The following PRPF4 variants were observed in gnomAD, a reference collection of about 807,000 sequenced individuals.
PRPF4 encodes the protein U4/U6 small nuclear ribonucleoprotein Prp4.
In PRPF4, 14 loss-of-function variants were observed where a neutral mutation model predicts 72.2. The observed-to-expected ratio is 0.19, with a 90% confidence interval of 0.13 to 0.30. PRPF4 has a LOEUF of 0.30. Among genes scored for constraint, PRPF4 ranks in the 10% least tolerant of loss-of-function variants. The pLI, the probability that PRPF4 is intolerant of heterozygous loss-of-function variation, is 1.00. For missense variants in PRPF4, 478 were observed against 653.9 expected (o/e 0.73, Z 2.93); for synonymous variants, 225 against 232.2 (o/e 0.97, Z 0.28).
At position 113,284,392 on chromosome 9, in the gene PRPF4, A is replaced by G; in HGVS notation, c.749+3A>G. 6.2e-7 allele frequency: 1 copy of G among 1,602,988 alleles called. No homozygotes were observed. ...AAGATGCTGGCCACAGCTTGTTGGT[A>G]AGTTCCATTTTACAATGACATTTTT... On this transcript the variant is annotated splice_donor_region_variant and intron_variant, in intron 7 of 13. Coordinates refer to ENST00000374198, the MANE Select transcript of PRPF4 (RefSeq NM_001244926.2).
chr9:113,278,179 G>A (rs907294643), intron 2 of PRPF4, among the ~76,000 whole-genome samples: 1 of 152,080 alleles, frequency 6.6e-6, no homozygotes, highest in African/African-American at 2.4e-5. Flanking sequence ...TACCATTGAG[G>A]ATATCTTTCC....
chr9:113,281,603 T>C (rs1332995854), intron 3 of PRPF4, among the ~76,000 whole-genome samples: 3 of 152,188 alleles, frequency 2.0e-5, no homozygotes, highest in African/African-American at 7.2e-5. Context: ...TGCAGCCCTA[T>C]TCTTCACCAG....
rs528841807 is a variant in PRPF4 at position 113,279,087 on chromosome 9, A to G, written c.348A>G (p.Glu116=). ...EVKACLRALG[E]PITLFGEGPA... ...AAGCTTGCCTTAGAGCCTTGGGGGAACCCATCACACTTTTTGGAGAGGGTC... is the reference window on the plus strand; with the variant it reads ...AAGCTTGCCTTAGAGCCTTGGGGGAGCCCATCACACTTTTTGGAGAGGGTC... Residue 116 remains glutamate (E), a synonymous_variant, in exon 3 of 14, where the codon GAA becomes GAG. Transcript: ENST00000374198. 6.2e-7 allele frequency: 1 copy of G among 1,613,938 alleles called. No individual in the cohort carries two copies. Among genetic ancestry groups the G allele is most frequent in the Non-Finnish European group, 8.5e-7 (1 of 1,179,990 alleles).
chr9:113,290,092 C>T (rs1308163048), intron 10 of PRPF4, among the ~76,000 whole-genome samples: 1 of 152,068 alleles, frequency 6.6e-6, no homozygotes, highest in African/African-American at 2.4e-5. Flanking sequence ...TGGTGGCGCA[C>T]ACCTGTAGTC....
Position 113,276,835 on chromosome 9 carries a change from A to G in PRPF4, c.205+110A>G. 6 of 1,145,826 alleles carry G rather than the reference A, an allele frequency of 5.2e-6. 1 individual carries two copies. Among genetic ancestry groups the G allele is most frequent in the Non-Finnish European group, 7.3e-6 (6 of 820,294 alleles). The allele number at this position is 1,145,826 out of a possible 1,614,324, so 71.0% of individuals were successfully genotyped here. ...AAAAAATTACAATTTTTTTTTTTTTAAACAGAGTCTCGCTCTGTCGCCAGG... is the reference window on the plus strand; with the variant it reads ...AAAAAATTACAATTTTTTTTTTTTTGAACAGAGTCTCGCTCTGTCGCCAGG... On this transcript the variant is annotated intron_variant, in intron 2 of 13. Coordinates refer to ENST00000374198, the MANE Select transcript of PRPF4 (RefSeq NM_001244926.2).
rs528841807 is a variant in PRPF4 at position 113,279,087 on chromosome 9, A to C, written c.348A>C (p.Glu116Asp). The C allele has an allele frequency of 6.2e-7, 1 of 1,614,056 alleles. No homozygotes were observed. Among genetic ancestry groups the C allele is most frequent in the African/African-American group, 1.3e-5 (1 of 75,048 alleles). The change falls in exon 3 of 14, where the codon GAA becomes GAC. Residue 116 changes from glutamate (E) to aspartate (D), a missense_variant. Transcript: ENST00000374198. ...AAGCTTGCCTTAGAGCCTTGGGGGA[A>C]CCCATCACACTTTTTGGAGAGGGTC... The part of the protein sequence containing the change: ...EVKACLRALG[E>D]PITLFGEGPA...
intron 4 of PRPF4, 169 bp downstream of exon 4, chr9:113,282,902 A>G (rs561966722): frequency 4.9e-5 from 49 of 1,003,620 alleles, no homozygotes; most frequent in Admixed American, 2.6e-4. Context: ...CTTTGTAAGT[A>G]TGAATGGAGC....
At position 113,283,291 on chromosome 9, in the gene PRPF4, CTA is replaced by C. The variant is rs1269303405; in HGVS notation, c.560+82_560+83del. 5.6e-5 allele frequency: 90 copies of C among 1,612,638 alleles called. No individual in the cohort carries two copies. In the Admixed American group the frequency reaches 8.0e-4, roughly 14 times the overall value. The stretch of plus-strand genomic sequence containing the variant: ...TCAGGAACTGAGTGCTGGATAATGA[CTA>C]TGGTTGTTAAATGAAATTGAGGGGT... On this transcript the variant is annotated intron_variant, in intron 5 of 13. Transcript: ENST00000374198.
chr9:113,285,094 A>G (rs1218304502), intron 7 of PRPF4, among the ~76,000 whole-genome samples: 1 of 151,992 alleles, frequency 6.6e-6, no homozygotes, highest in African/African-American at 2.4e-5. Flanking sequence ...TACCTTCACT[A>G]TAAAGTTTGA....
chr9:113,284,989 G>T (rs1290686151), intron 7 of PRPF4, among the ~76,000 whole-genome samples: 1 of 152,050 alleles, frequency 6.6e-6, no homozygotes, highest in Non-Finnish European at 1.5e-5. Context: ...AACTTAGATT[G>T]AATACACAGG....
At position 113,283,421 on chromosome 9, in the gene PRPF4, A is replaced by G; in HGVS notation, c.593A>G (p.His198Arg). Residue 198 changes from histidine (H) to arginine (R), a missense_variant, in exon 6 of 14, where the codon CAT becomes CGT. By Grantham distance (29) the His-to-Arg change is conservative. Transcript: ENST00000374198. ...AAACGCTTGGAAGAGGCCCGACTCCATAAGGAGATTCCTGAGACAACAAGG... is the reference window on the plus strand; with the variant it reads ...AAACGCTTGGAAGAGGCCCGACTCCGTAAGGAGATTCCTGAGACAACAAGG... ...AMKRLEEARL[H>R]KEIPETTRTS... 1.2e-6 allele frequency: 2 copies of G among 1,614,192 alleles called. No homozygotes were observed. Among genetic ancestry groups the G allele is most frequent in the Non-Finnish European group, 8.5e-7 (1 of 1,180,026 alleles).
intron 2 of PRPF4, among the ~76,000 whole-genome samples, chr9:113,278,463 T>A (rs1832181364): frequency 1.3e-5 from 2 of 152,254 alleles, no homozygotes. Flanking sequence ...TCAAAACTAT[T>A]GCTAGATTAT....
Position 113,291,779 on chromosome 9 carries a change from C to T in PRPF4, c.*119C>T, listed in dbSNP as rs754655198. 2.0e-6 allele frequency: 2 copies of T among 1,017,580 alleles called. No individual in the cohort carries two copies. The highest frequency in any genetic ancestry group is 2.8e-5 in the Admixed American group (1 of 36,264). The allele number at this position is 1,017,580 out of a possible 1,614,324, so 63.0% of individuals were successfully genotyped here. On this transcript the variant is annotated 3_prime_UTR_variant, in exon 14 of 14. Transcript: ENST00000374198. ...TTCTGCCAATTACCATGCATAGACC[C>T]TCAGTAGAATTGGATTTCCATGTCA...
At chr9:113,279,739 C>G (rs1220347620) in intron 3 of PRPF4, among the ~76,000 whole-genome samples, 6 of 152,046 alleles carry the variant, frequency 3.9e-5, no homozygotes, top group African/African-American at 9.7e-5. Context: ...CCCTTGCCTC[C>G]CCTCCCCAGT....
intron 4 of PRPF4, 48 bp downstream of exon 4, chr9:113,282,781 G>T: frequency 1.4e-6 from 2 of 1,420,504 alleles, no homozygotes; most frequent in Admixed American, 3.9e-5. Flanking sequence ...GGAAATGAGG[G>T]GATAGGTCTC....
chr9:113,288,553 C>T (rs536566704), intron 10 of PRPF4, among the ~76,000 whole-genome samples: 4 of 151,776 alleles, frequency 2.6e-5, no homozygotes, highest in African/African-American at 7.3e-5. Context: ...TCTCCTGCCT[C>T]GACCTCCCGA....
At chr9:113,282,424 A>G (rs1222067779) in intron 3 of PRPF4, among the ~76,000 whole-genome samples, 3 of 151,924 alleles carry the variant, frequency 2.0e-5, no homozygotes, top group Admixed American at 6.6e-5. Context: ...GTGACCCATG[A>G]TCATGCCACT....
intron 13 of PRPF4, 83 bp from the exon 14 acceptor site, chr9:113,291,384 A>G (rs1832604135): frequency 1.5e-5 from 20 of 1,372,294 alleles, no homozygotes; most frequent in Non-Finnish European, 1.8e-5. Flanking sequence ...TAAAAATAGT[A>G]TGTTTTTGCA....
At position 113,276,464 on chromosome 9, in the gene PRPF4, C is replaced by G. The variant is rs1832099272; in HGVS notation, c.28-84C>G. 4.1e-6 allele frequency: 6 copies of G among 1,466,558 alleles called. No homozygotes were observed. In the East Asian group the frequency reaches 1.1e-4, roughly 28 times the overall value. The allele number at this position is 1,466,558 out of a possible 1,614,324, so 90.8% of individuals were successfully genotyped here. ...TTACAGAGGAAACAGGACTGTGAAACTCAGGGTGAGCTTCATCCTCTGGTG... is the reference window on the plus strand; with the variant it reads ...TTACAGAGGAAACAGGACTGTGAAAGTCAGGGTGAGCTTCATCCTCTGGTG... On this transcript the variant is annotated intron_variant, in intron 1 of 13. Transcript: ENST00000374198.
Sources: allele counts gnomAD v4.1 joint callset (sites outside exome capture counted in the v4.1 genomes callset), GRCh38; gene constraint gnomAD v4.1.1; transcripts MANE v1.5; gene names NCBI Gene and HGNC (gene_info 2026-07-23, HGNC 2026-07-21).